Variants in NPAS3 observed in about 807,000 individuals in gnomAD.
NPAS3 encodes the protein neuronal PAS domain-containing protein 3.
Under a neutral mutation model 73.1 loss-of-function variants are expected in NPAS3, and 14 were observed. The observed-to-expected ratio is 0.19, with a 90% CI of 0.13 to 0.30. NPAS3 has a LOEUF of 0.30. Among genes scored for constraint, NPAS3 ranks in the 10% least tolerant of loss-of-function variants. NPAS3 has a pLI of 1.00. For missense variants in NPAS3, 1,096 were observed against 1,250.0 expected (o/e 0.88, Z 1.86); for synonymous variants, 620 against 541.5 (o/e 1.14, Z -2.01).
At chr14:32,971,936 CTT>C (rs66998179) in intron 1 of NPAS3, among the ~76,000 whole-genome samples, 6 of 112,948 alleles carry the variant, frequency 5.3e-5, no homozygotes, top group Non-Finnish European at 5.3e-5. Flanking sequence ...CAGTGGGACT[CTT>C]TTTTTTTTTT....
intron 2 of NPAS3, chr14:33,213,528 G>A (rs1018212900): frequency 1.3e-5 from 2 of 152,198 alleles, no homozygotes; most frequent in African/African-American, 4.8e-5. Flanking sequence ...TCTCACTTAT[G>A]TAGCTTTCAA....
At chr14:32,977,382 C>A (rs867161059) in intron 1 of NPAS3, among the ~76,000 whole-genome samples, 4 of 17,962 alleles carry the variant, frequency 2.2e-4, no homozygotes, top group South Asian at 1.7e-3. Flanking sequence ...ACACACACAC[C>A]CCTAATCTAT....
intron 2 of NPAS3, among the ~76,000 whole-genome samples, chr14:33,146,528 C>T (rs1057132912): frequency 3.3e-5 from 5 of 152,158 alleles, no homozygotes; most frequent in East Asian, 1.9e-4. Flanking sequence ...TCATGCTAGG[C>T]GCTGGAGGCT....
At chr14:33,326,142 T>A (rs77405497) in intron 3 of NPAS3, among the ~76,000 whole-genome samples, 1 of 151,984 alleles carries the variant, frequency 6.6e-6, no homozygotes, top group African/African-American at 2.4e-5. Flanking sequence ...CATCATACAG[T>A]GTATGAATGG....
chr14:33,055,342 C>A (rs992624144), intron 1 of NPAS3, among the ~76,000 whole-genome samples: 1 of 152,198 alleles, frequency 6.6e-6, no homozygotes, highest in Non-Finnish European at 1.5e-5. Flanking sequence ...ACATCTAACC[C>A]GTGTTCCCGA....
intron 1 of NPAS3, among the ~76,000 whole-genome samples, chr14:33,051,486 G>A (rs10151625): frequency 0.17 from 26,382 of 151,936 alleles, 2,919 homozygotes; most frequent in African/African-American, 0.3. Context: ...ACCCTGTTTC[G>A]TTGCATTTGT....
At chr14:33,097,054 C>G (rs984790442) in intron 2 of NPAS3, among the ~76,000 whole-genome samples, 1 of 135,268 alleles carries the variant, frequency 7.4e-6, no homozygotes, top group African/African-American at 2.5e-5. Flanking sequence ...CTTGTTGCCA[C>G]TCTTTGTGCA....
At chr14:33,357,398 G>T (rs542146445) in intron 3 of NPAS3, among the ~76,000 whole-genome samples, 1 of 152,226 alleles carries the variant, frequency 6.6e-6, no homozygotes, top group Non-Finnish European at 1.5e-5. Context: ...TGAAATGTTT[G>T]CACTGGTGTG....
chr14:33,615,181 A>G (rs2057875694), intron 5 of NPAS3, among the ~76,000 whole-genome samples: 1 of 152,186 alleles, frequency 6.6e-6, no homozygotes, highest in Non-Finnish European at 1.5e-5. Context: ...TAGGCAGTGT[A>G]TATCTGGAAC....
chr14:33,791,231 A>G (rs2063350614), intron 9 of NPAS3, among the ~76,000 whole-genome samples: 1 of 152,166 alleles, frequency 6.6e-6, no homozygotes, highest in African/African-American at 2.4e-5. Context: ...CAGGAAGTCA[A>G]GGGCTATCAC....
intron 5 of NPAS3, among the ~76,000 whole-genome samples, chr14:33,562,899 G>GCACACACACA (rs56063953): frequency 5.0e-3 from 753 of 149,788 alleles, no homozygotes; most frequent in East Asian, 0.017. Context: ...TCTTTTATGA[G>GCACACACACA]CACACACACA....
intron 2 of NPAS3, among the ~76,000 whole-genome samples, chr14:33,078,525 A>C (rs777983255): frequency 1.5e-5 from 1 of 67,188 alleles, no homozygotes; most frequent in Non-Finnish European, 3.0e-5. Flanking sequence ...TCTTACAAAA[A>C]CAAAACCAAA....
upstream of NPAS3, chr14:32,934,932 C>T (rs1337139816): frequency 5.2e-6 from 6 of 1,156,724 alleles, no homozygotes; most frequent in African/African-American, 1.6e-5. This position sits in a 1 kb window ranked among gnomAD's most constrained non-coding sequence, Gnocchi z 4.1. Context: ...CCGGCGCGGG[C>T]ATGGGGAGGG....
At chr14:33,621,759 TA>T (rs1015423602) in intron 5 of NPAS3, among the ~76,000 whole-genome samples, 2 of 151,490 alleles carry the variant, frequency 1.3e-5, no homozygotes, top group Non-Finnish European at 1.5e-5. Context: ...CTACAAGGGG[TA>T]AAAAAATGAA....
At chr14:33,747,904 T>C (rs2140738602) in intron 7 of NPAS3, among the ~76,000 whole-genome samples, 1 of 152,300 alleles carries the variant, frequency 6.6e-6, no homozygotes, top group Non-Finnish European at 1.5e-5. Context: ...CACCTCCCCA[T>C]CTACAATATA....
chr14:33,580,214 C>A (rs1328368152), intron 5 of NPAS3, among the ~76,000 whole-genome samples: 1 of 150,072 alleles, frequency 6.7e-6, no homozygotes, highest in African/African-American at 2.4e-5. Context: ...ATGCACAAAG[C>A]AACTAAGGGT....
chr14:33,434,975 C>A (rs1461455100), intron 4 of NPAS3, among the ~76,000 whole-genome samples: 1 of 152,114 alleles, frequency 6.6e-6, no homozygotes, highest in Non-Finnish European at 1.5e-5. Flanking sequence ...CACATAGCAG[C>A]AGCAGAAATG....
chr14:33,292,251 C>T (rs1301761402), intron 3 of NPAS3, among the ~76,000 whole-genome samples: 3 of 152,206 alleles, frequency 2.0e-5, no homozygotes, highest in Admixed American at 1.3e-4. Context: ...ATGGCTCCCT[C>T]TGCAAACTTT....
In NPAS3 at chr14:33,660,651, A is replaced by G. The variant is rs79540422; in HGVS notation, c.559-15560A>G. ...TCTGGAGGGCAACGCAAAGCCATAGATGCTCTAATGAATTCCTTGCAACAG... is the reference window on the plus strand; with the variant it reads ...TCTGGAGGGCAACGCAAAGCCATAGGTGCTCTAATGAATTCCTTGCAACAG... On this transcript the variant is annotated intron_variant, in intron 5 of 11. Coordinates refer to ENST00000356141, the Ensembl canonical transcript of NPAS3. Among the ~76,000 whole-genome samples, 476 of 152,356 alleles carry G rather than the reference A, an allele frequency of 3.1e-3. 17 individuals carry two copies. The East Asian group carries it at 0.078, about 25-fold the overall frequency.
Sources: allele counts gnomAD v4.1 joint callset (sites outside exome capture counted in the v4.1 genomes callset), GRCh38; gene constraint gnomAD v4.1.1; non-coding constraint Gnocchi (gnomAD v3.1); transcripts MANE v1.5; gene names NCBI Gene and HGNC (gene_info 2026-07-23, HGNC 2026-07-21).